The following SULF2 variants were observed in gnomAD, a reference collection of about 807,000 sequenced individuals.
SULF2 encodes the protein sulfatase 2.
A neutral mutation model predicts 107.7 loss-of-function variants in SULF2; 52 were observed. That is an observed-to-expected ratio of 0.48 (90% CI 0.39 to 0.61). SULF2 has a LOEUF of 0.61. Ranked by LOEUF, SULF2 falls within the 20% of genes least tolerant of loss-of-function variation. The pLI is 0.00. For synonymous variants in SULF2, 460 were observed against 464.3 expected, an observed-to-expected ratio of 0.99 and a Z score of 0.12; for missense variants, 993 against 1,177.3, an observed-to-expected ratio of 0.84 and a Z score of 2.29.
chr20:47,780,346 G>A (rs4810688), intron 1 of SULF2, among the ~76,000 whole-genome samples: 97,556 of 151,880 alleles, frequency 0.64, 32,279 homozygotes, highest in East Asian at 0.89. Context: ...TTGTGTTTGG[G>A]GCAGGTGTCT....
chr20:47,712,872 A>G (rs1293682426), intron 3 of SULF2, among the ~76,000 whole-genome samples: 2 of 152,112 alleles, frequency 1.3e-5, no homozygotes, highest in African/African-American at 2.4e-5. Context: ...TGTCTCTACC[A>G]AAAAACCAAA....
chr20:47,778,976 C>T (rs1342422692), intron 1 of SULF2, among the ~76,000 whole-genome samples: 1 of 152,164 alleles, frequency 6.6e-6, no homozygotes, highest in Non-Finnish European at 1.5e-5. Context: ...TGCAGACATC[C>T]ACGTTCACCA....
rs772379006 is a variant in SULF2 at position 47,661,856 on chromosome 20, T to C, written c.2411A>G (p.Asn804Ser). ...CTCCATGAGCTGTACGTGTAGCTGG[T>C]TGAGGACATCCCTGTCCAGTGTGTT... ...AVNTLDRDVL[N>S]QLHVQLMELR... The change falls in exon 18 of 21, where the codon AAC (asparagine) becomes AGC (serine). Residue 804 changes from asparagine (N) to serine (S), a missense_variant. Coordinates refer to ENST00000688720, the MANE Select transcript of SULF2 (RefSeq NM_001387048.1). The C allele has an allele frequency of 1.3e-5, 21 of 1,594,790 alleles. No individual in the cohort carries two copies. The highest frequency in any genetic ancestry group is 1.7e-5 in the Non-Finnish European group (20 of 1,167,154).
intron 3 of SULF2, among the ~76,000 whole-genome samples, chr20:47,718,597 A>G (rs1274204536): frequency 6.6e-6 from 1 of 152,178 alleles, no homozygotes; most frequent in Non-Finnish European, 1.5e-5. Flanking sequence ...GTGGCAGGCG[A>G]AGGGCTTGGG....
intron 2 of SULF2, among the ~76,000 whole-genome samples, chr20:47,745,418 T>TAA (rs1568892626): frequency 0.039 from 158 of 4,072 alleles, 14 homozygotes; most frequent in African/African-American, 0.16. Flanking sequence ...AAAATATATA[T>TAA]ATATATATAT....
At chr20:47,714,737 G>A (rs965007511) in intron 3 of SULF2, among the ~76,000 whole-genome samples, 3 of 152,124 alleles carry the variant, frequency 2.0e-5, no homozygotes, top group Non-Finnish European at 2.9e-5. Context: ...CTCCGTGACT[G>A]CATCTGCCCC....
intron 1 of SULF2, among the ~76,000 whole-genome samples, chr20:47,763,081 G>A (rs949037185): frequency 2.0e-5 from 3 of 151,734 alleles, no homozygotes; most frequent in African/African-American, 7.3e-5. Context: ...TGGCTGAACC[G>A]AGAGAGCACC....
chr20:47,755,971 C>T (rs1200978391), intron 2 of SULF2, among the ~76,000 whole-genome samples: 1 of 151,922 alleles, frequency 6.6e-6, no homozygotes, highest in Non-Finnish European at 1.5e-5. Flanking sequence ...CTTTGAATTT[C>T]CTGTTCTCCT....
chr20:47,658,492 G>T, intron 20 of SULF2, 100 bp from the exon 21 acceptor site: 1 of 1,252,414 alleles, frequency 8.0e-7, no homozygotes, highest in Non-Finnish European at 1.2e-6. Context: ...CTTCAAGGCT[G>T]CTGAGAATGA....
intron 2 of SULF2, among the ~76,000 whole-genome samples, chr20:47,745,438 T>C (rs1292720280): frequency 2.8e-4 from 3 of 10,692 alleles, no homozygotes; most frequent in Admixed American, 1.5e-3. Context: ...TATATATATA[T>C]ATATATATAT....
chr20:47,737,766 T>G lies in SULF2; in HGVS notation c.176-824A>C, dbSNP rs535037685. 1.9e-4 allele frequency among the ~76,000 whole-genome samples: 26 copies of G among 136,110 alleles called. No homozygotes were observed. The South Asian group carries it at 5.8e-3, about 31-fold the overall frequency. The allele number at this position is 136,110 out of a possible 152,430, so 89.3% of individuals were successfully genotyped here. ...TCTTTCTTTTCTTTGTTTTTTTTTT[T>G]TTTTTTTTTTTTTTGAGACAGAGTC... On this transcript the variant is annotated intron_variant, in intron 2 of 20. Transcript: ENST00000688720.
chr20:47,697,349 C>G (rs1350285264), intron 4 of SULF2, among the ~76,000 whole-genome samples: 1 of 152,222 alleles, frequency 6.6e-6, no homozygotes, highest in Non-Finnish European at 1.5e-5. Flanking sequence ...TCCTCAGAGG[C>G]CTTCTGAGGG....
intron 3 of SULF2, among the ~76,000 whole-genome samples, chr20:47,718,167 G>A (rs2089181520): frequency 6.6e-6 from 1 of 151,978 alleles, no homozygotes; most frequent in Non-Finnish European, 1.5e-5. Context: ...GGCTGGGCAT[G>A]GGCTCTGGAG....
At chr20:47,778,786 G>GA (rs2090769853) in intron 1 of SULF2, among the ~76,000 whole-genome samples, 1 of 152,164 alleles carries the variant, frequency 6.6e-6, no homozygotes, top group Non-Finnish European at 1.5e-5. Context: ...TGAGCATGTG[G>GA]GATATGCTAA....
At chr20:47,732,761 T>C (rs2089642613) in intron 3 of SULF2, among the ~76,000 whole-genome samples, 1 of 152,188 alleles carries the variant, frequency 6.6e-6, no homozygotes, top group African/African-American at 2.4e-5. Context: ...GAGAATCGCT[T>C]GAACCCGGGA....
chr20:47,697,849 G>A (rs996606063), intron 4 of SULF2, among the ~76,000 whole-genome samples: 3 of 152,222 alleles, frequency 2.0e-5, no homozygotes, highest in Non-Finnish European at 2.9e-5. Context: ...ATGAGGCGTG[G>A]ATGTGGTGAA....
intron 2 of SULF2, among the ~76,000 whole-genome samples, chr20:47,746,229 C>T (rs747259437): frequency 2.6e-5 from 4 of 152,234 alleles, no homozygotes; most frequent in East Asian, 1.9e-4. Context: ...GCAAAGGTAA[C>T]GCTCTACTGG....
chr20:47,673,726 G>C (rs1310298050), intron 10 of SULF2, among the ~76,000 whole-genome samples: 1 of 152,236 alleles, frequency 6.6e-6, no homozygotes, highest in East Asian at 1.9e-4. Context: ...GCATGGCCCT[G>C]AATGAGGCCA....
intron 1 of SULF2, among the ~76,000 whole-genome samples, chr20:47,772,528 A>G (rs1384199849): frequency 3.9e-5 from 6 of 152,194 alleles, no homozygotes; most frequent in Non-Finnish European, 7.3e-5. Flanking sequence ...GAAGACCATA[A>G]AGGAGGAGTT....
Sources: allele counts gnomAD v4.1 joint callset (sites outside exome capture counted in the v4.1 genomes callset), GRCh38; gene constraint gnomAD v4.1.1; transcripts MANE v1.5; gene names NCBI Gene and HGNC (gene_info 2026-07-23, HGNC 2026-07-21).